Variants in ETV6 observed in about 807,000 individuals in gnomAD.
The protein encoded by ETV6 is ETS variant transcription factor 6.
ETV6 carries 16 observed loss-of-function variants against 51.1 expected under a neutral mutation model. That is an observed-to-expected ratio of 0.31 (90% CI 0.21 to 0.48). The LOEUF (loss-of-function observed/expected upper bound fraction) is 0.48. ETV6 is among the 20% of genes least tolerant of loss of function. ETV6 has a pLI of 0.99. For missense variants in ETV6, 458 were observed against 594.8 expected, an observed-to-expected ratio of 0.77 and a Z score of 2.39; for synonymous variants, 240 against 224.1, an observed-to-expected ratio of 1.07 and a Z score of -0.64.
intron 5 of ETV6, among the ~76,000 whole-genome samples, chr12:11,873,018 G>C (rs144807169): frequency 2.3e-4 from 35 of 152,272 alleles, no homozygotes; most frequent in African/African-American, 8.4e-4. Context: ...CTGGGGCCTA[G>C]ATCTTTTGGG....
At chr12:11,839,095 C>T in intron 2 of ETV6, 45 bp from the exon 3 acceptor site, 2 of 1,586,180 alleles carry the variant, frequency 1.3e-6, no homozygotes, top group Non-Finnish European at 1.7e-6. Context: ...GTCTAACTGA[C>T]AAGACCTTTC....
intron 1 of ETV6, among the ~76,000 whole-genome samples, chr12:11,710,099 A>G (rs1234736393): frequency 6.6e-6 from 1 of 152,184 alleles, no homozygotes; most frequent in African/African-American, 2.4e-5. Flanking sequence ...TCAGAAAGGC[A>G]TTTGGATGAT....
intron 1 of ETV6, among the ~76,000 whole-genome samples, chr12:11,725,145 A>G (rs913639586): frequency 6.9e-6 from 1 of 144,702 alleles, no homozygotes; most frequent in African/African-American, 2.6e-5. Flanking sequence ...CTTAAGACTT[A>G]TCTTTCTTTT....
At chr12:11,699,728 C>G (rs573073410) in intron 1 of ETV6, among the ~76,000 whole-genome samples, 47 of 152,182 alleles carry the variant, frequency 3.1e-4, no homozygotes, top group Non-Finnish European at 5.6e-4. Flanking sequence ...GACCCAGCCC[C>G]ACATCCCAAA....
chr12:11,835,656 A>T lies in ETV6; in HGVS notation c.164-3484A>T, dbSNP rs116291498. 3.5e-3 allele frequency among the ~76,000 whole-genome samples: 539 copies of T among 152,320 alleles called. 3 individuals are homozygous for T. The highest frequency in any genetic ancestry group is 0.013 in the African/African-American group (522 of 41,572). ...CATTTATAAATCTACTTCTCCAGGG[A>T]TCTACAGATTTTTTGGCTATATTTT... On this transcript the variant is annotated intron_variant, in intron 2 of 7. Coordinates refer to ENST00000396373, the MANE Select transcript of ETV6 (RefSeq NM_001987.5).
chr12:11,671,765 C>T (rs1310717043), intron 1 of ETV6, among the ~76,000 whole-genome samples: 4 of 152,188 alleles, frequency 2.6e-5, no homozygotes, highest in African/African-American at 9.6e-5. Flanking sequence ...AGTCAGATCT[C>T]CTGACTCCCA....
chr12:11,760,488 G>A (rs1945069080), intron 2 of ETV6, among the ~76,000 whole-genome samples: 1 of 152,158 alleles, frequency 6.6e-6, no homozygotes, highest in Non-Finnish European at 1.5e-5. Context: ...TGGGGTGGGG[G>A]TACTAACTGA....
chr12:11,793,434 T>C (rs1945633606), intron 2 of ETV6, among the ~76,000 whole-genome samples: 1 of 152,238 alleles, frequency 6.6e-6, no homozygotes, highest in Non-Finnish European at 1.5e-5. Flanking sequence ...GGCAAGGTTA[T>C]AGAAGATGTT....
intron 2 of ETV6, among the ~76,000 whole-genome samples, chr12:11,813,211 G>T (rs1945941002): frequency 6.6e-6 from 1 of 152,218 alleles, no homozygotes; most frequent in Admixed American, 6.5e-5. Flanking sequence ...GACTTGGATT[G>T]GACTGAGAAG....
At chr12:11,890,025 G>A (rs538185516) in intron 7 of ETV6, among the ~76,000 whole-genome samples, 1 of 152,182 alleles carries the variant, frequency 6.6e-6, no homozygotes, top group African/African-American at 2.4e-5. Flanking sequence ...CATTGAACAG[G>A]AAGATGAGGC....
chr12:11,775,020 T>C (rs1316122567), intron 2 of ETV6, among the ~76,000 whole-genome samples: 1 of 152,232 alleles, frequency 6.6e-6, no homozygotes, highest in Non-Finnish European at 1.5e-5. Context: ...CTCTGCAGAC[T>C]TGTGTGTGGC....
intron 7 of ETV6, among the ~76,000 whole-genome samples, chr12:11,889,719 A>G (rs1947258253): frequency 6.6e-6 from 1 of 152,236 alleles, no homozygotes; most frequent in Admixed American, 6.5e-5. Context: ...AACAGTGGAA[A>G]ATAAGAGCTT....
intron 2 of ETV6, among the ~76,000 whole-genome samples, chr12:11,790,313 G>A (rs1315827274): frequency 1.3e-5 from 2 of 151,980 alleles, no homozygotes; most frequent in African/African-American, 4.8e-5. Flanking sequence ...ATACTCAAAC[G>A]TCTGGTGATC....
intron 5 of ETV6, among the ~76,000 whole-genome samples, chr12:11,874,647 CACATAT>C (rs1412633489): frequency 0.2 from 693 of 3,552 alleles, 43 homozygotes; most frequent in East Asian, 0.71. Flanking sequence ...TGTGTATATA[CACATAT>C]GTGTGTATAT....
chr12:11,697,445 A>G (rs1358555969), intron 1 of ETV6, among the ~76,000 whole-genome samples: 3 of 152,226 alleles, frequency 2.0e-5, no homozygotes, highest in East Asian at 1.9e-4. Context: ...TAAAGGTTGT[A>G]AAAGGATTCT....
At chr12:11,734,522 A>G (rs1404659028) in intron 1 of ETV6, among the ~76,000 whole-genome samples, 2 of 147,248 alleles carry the variant, frequency 1.4e-5, no homozygotes, top group African/African-American at 5.3e-5. Context: ...TGAGCAAAAA[A>G]AAAAAAGAAA....
chr12:11,892,820 T>TGACA lies in ETV6; in HGVS notation c.*1775_*1778dup, dbSNP rs939258670. The TGACA allele has an allele frequency of 1.3e-5, 3 of 232,930 alleles. No homozygotes were observed. Among genetic ancestry groups the TGACA allele is most frequent in the African/African-American group, 6.6e-5 (3 of 45,326 alleles). 14.4% of individuals were successfully genotyped at this position (232,930 alleles called of 1,614,324 possible). ...AAGAGGAATTTTCCCTCGGCCTTAC[T>TGACA]GACAAGGACACCAACCTAGGGTGCA... On this transcript the variant is annotated 3_prime_UTR_variant, in exon 8 of 8. Coordinates refer to ENST00000396373, the MANE Select transcript of ETV6 (RefSeq NM_001987.5).
intron 1 of ETV6, among the ~76,000 whole-genome samples, chr12:11,710,963 C>A (rs983538463): frequency 1.3e-5 from 2 of 152,154 alleles, no homozygotes; most frequent in African/African-American, 4.8e-5. Flanking sequence ...AAGTGGAGAC[C>A]AGGCATCAGG....
At chr12:11,735,524 GA>G (rs1041666623) in intron 1 of ETV6, among the ~76,000 whole-genome samples, 6 of 152,214 alleles carry the variant, frequency 3.9e-5, no homozygotes, top group African/African-American at 1.2e-4. Flanking sequence ...CGTGATCAAA[GA>G]AAAGACCTAG....
Sources: gnomAD v4.1 joint callset for allele counts (sites outside exome capture counted in the v4.1 genomes callset) on GRCh38, gnomAD v4.1.1 for gene constraint, MANE v1.5 for transcripts, NCBI Gene and HGNC (gene_info 2026-07-23, HGNC 2026-07-21) for gene names.